Variants in FER observed in about 807,000 individuals in gnomAD.
FER encodes FER tyrosine kinase.
In FER, 63 loss-of-function variants were observed where a neutral mutation model predicts 111.0. That is an observed-to-expected ratio of 0.57 (90% CI 0.46 to 0.70). The LOEUF (loss-of-function observed/expected upper bound fraction) is 0.70, where lower values mean the gene tolerates loss of function less well. Among genes scored for constraint, FER ranks in the 30% least tolerant of loss-of-function variants. The probability of loss-of-function intolerance (pLI) is 0.00; values close to 1 mark genes in which losing one functional copy is unlikely to be tolerated. For missense variants in FER, 914 were observed against 954.0 expected (o/e 0.96, Z 0.55); for synonymous variants, 327 against 313.9 (o/e 1.04, Z -0.44).
At chr5:108,882,896 A>G (rs1765817217) in intron 8 of FER, among the ~76,000 whole-genome samples, 1 of 151,928 alleles carries the variant, frequency 6.6e-6, no homozygotes, top group South Asian at 2.1e-4. Context: ...CTCCTAAAGT[A>G]TTACTACAAT....
At chr5:108,894,014 G>A (rs1299610562) in intron 9 of FER, among the ~76,000 whole-genome samples, 1 of 144,666 alleles carries the variant, frequency 6.9e-6, no homozygotes, top group African/African-American at 2.6e-5. Context: ...TATTCCTGAT[G>A]TGGGACAGAT....
At chr5:109,132,301 G>A (rs1014223769) in intron 17 of FER, among the ~76,000 whole-genome samples, 1 of 152,114 alleles carries the variant, frequency 6.6e-6, no homozygotes, top group Non-Finnish European at 1.5e-5. Context: ...TTCCTGAAAA[G>A]GGGCAACTAA....
intron 3 of FER, 151 bp from the exon 4 acceptor site, chr5:108,832,619 C>T: frequency 2.2e-6 from 1 of 463,802 alleles, no homozygotes; most frequent in East Asian, 3.6e-5. Flanking sequence ...ATGAACCATT[C>T]ATAGATCTTT....
chr5:109,054,742 T>C (rs1163139232), intron 16 of FER, among the ~76,000 whole-genome samples: 1 of 152,214 alleles, frequency 6.6e-6, no homozygotes. Context: ...GTAGGACCCA[T>C]TTCAAGTTAA....
chr5:109,067,170 G>C (rs1775192947), intron 16 of FER, among the ~76,000 whole-genome samples: 1 of 152,160 alleles, frequency 6.6e-6, no homozygotes, highest in African/African-American at 2.4e-5. Flanking sequence ...GTCAGGGTAA[G>C]CAACTGGATT....
intron 10 of FER, among the ~76,000 whole-genome samples, chr5:108,918,561 A>G (rs1336826030): frequency 6.8e-6 from 1 of 146,674 alleles, no homozygotes; most frequent in Non-Finnish European, 1.5e-5. Flanking sequence ...ATCTCTGCTC[A>G]CTGCAAGCTC....
At chr5:108,792,594 C>T (rs1755503826) in intron 2 of FER, among the ~76,000 whole-genome samples, 2 of 152,076 alleles carry the variant, frequency 1.3e-5, no homozygotes, top group Non-Finnish European at 2.9e-5. Context: ...GCCTCAGCCT[C>T]CCAAAGTGCT....
chr5:108,826,330 A>T (rs935386662), intron 3 of FER, among the ~76,000 whole-genome samples: 1 of 152,134 alleles, frequency 6.6e-6, no homozygotes, highest in Non-Finnish European at 1.5e-5. Context: ...TATGTATACA[A>T]TTTTGTTCTC....
intron 3 of FER, among the ~76,000 whole-genome samples, chr5:108,822,286 C>G (rs1758930132): frequency 6.6e-6 from 1 of 152,096 alleles, no homozygotes; most frequent in Middle Eastern, 3.4e-3. Flanking sequence ...AGGGTTGTTC[C>G]TATATCTTGC....
chr5:108,947,290 A>G (rs1240151878), intron 11 of FER, among the ~76,000 whole-genome samples: 4 of 151,966 alleles, frequency 2.6e-5, no homozygotes, highest in Non-Finnish European at 5.9e-5. Flanking sequence ...TTTCATGGTA[A>G]TTATACCATT....
rs1329673826 is a variant in FER at position 108,918,518 on chromosome 5, G to A, written c.1236+20670G>A. On this transcript the variant is annotated intron_variant, in intron 10 of 19. Transcript: ENST00000281092. The stretch of plus-strand genomic sequence containing the variant: ...TTTTTTTTTTTTGAGATGGAGTCTC[G>A]CTCTGTTGCCCAGGCTGGAGTGCAG... 6.8e-5 allele frequency among the ~76,000 whole-genome samples: 10 copies of A among 146,210 alleles called. No individual in the cohort carries two copies. The East Asian group carries it at 1.6e-3, about 24-fold the overall frequency.
At chr5:108,884,099 CTTCAAG>C (rs945070456) in intron 9 of FER, among the ~76,000 whole-genome samples, 2 of 151,972 alleles carry the variant, frequency 1.3e-5, no homozygotes, top group African/African-American at 4.8e-5. Flanking sequence ...TTAATCTAAA[CTTCAAG>C]TTTCTAATCT....
chr5:108,824,825 G>T (rs1362238303), intron 3 of FER, among the ~76,000 whole-genome samples: 1 of 152,064 alleles, frequency 6.6e-6, no homozygotes, highest in Non-Finnish European at 1.5e-5. Context: ...AATCACGTAG[G>T]TTCTTTTCTA....
chr5:108,969,086 C>G (rs889865104), intron 13 of FER, among the ~76,000 whole-genome samples: 3 of 152,166 alleles, frequency 2.0e-5, no homozygotes, highest in Admixed American at 1.3e-4. Context: ...TATAAATTCT[C>G]AACAACAACA....
chr5:109,068,533 C>T (rs1419123266), intron 16 of FER, among the ~76,000 whole-genome samples: 3 of 152,124 alleles, frequency 2.0e-5, no homozygotes, highest in African/African-American at 7.2e-5. Flanking sequence ...CAGTGGGATG[C>T]AAAATGCACT....
intron 5 of FER, among the ~76,000 whole-genome samples, chr5:108,836,890 C>T (rs1760723726): frequency 6.6e-6 from 1 of 152,144 alleles, no homozygotes; most frequent in Middle Eastern, 3.4e-3. Flanking sequence ...CTTACCCCAA[C>T]ATTTACTTTG....
In FER at chr5:109,072,761, CAG is replaced by C. The variant is rs147893873; in HGVS notation, c.1924+25565_1924+25566del. On this transcript the variant is annotated intron_variant, in intron 16 of 19. Transcript: ENST00000281092. ...TCACAAACTATGTGATTTAAAACAA[CAG>C]AAATTTATTCTCTCACAACTCTGAA... Among the ~76,000 whole-genome samples the C allele has an allele frequency of 3.1e-3, 473 of 152,086 alleles. 1 individual carries two copies. Among genetic ancestry groups the C allele is most frequent in the African/African-American group, 0.011 (445 of 41,512 alleles).
At position 108,954,761 on chromosome 5, in the gene FER, T is replaced by G; in HGVS notation, c.1362T>G (p.Pro454=). 6.2e-7 allele frequency: 1 copy of G among 1,608,548 alleles called. No individual in the cohort carries two copies. The highest frequency in any genetic ancestry group is 8.5e-7 in the Non-Finnish European group (1 of 1,176,968). ...ATATGATCTCCATCAGTGAGAAGCC[T>G]TTGGCAGAACAGGACTGGTACCATG... ...LSDMISISEK[P]LAEQDWYHGA... The change falls in exon 12 of 20, where the codon CCT becomes CCG. Residue 454 remains proline, a synonymous_variant. Coordinates refer to ENST00000281092, the MANE Select transcript of FER (RefSeq NM_005246.4).
intron 8 of FER, among the ~76,000 whole-genome samples, chr5:108,881,783 G>A (rs1396437227): frequency 6.6e-6 from 1 of 151,840 alleles, no homozygotes; most frequent in Non-Finnish European, 1.5e-5. Context: ...TCTTATAAGG[G>A]CTCTGATCCC....
Sources: gnomAD v4.1 joint callset for allele counts (sites outside exome capture counted in the v4.1 genomes callset) on GRCh38, gnomAD v4.1.1 for gene constraint, MANE v1.5 for transcripts, NCBI Gene and HGNC (gene_info 2026-07-23, HGNC 2026-07-21) for gene names.